Variants in PID1 observed in about 807,000 individuals in gnomAD.
PID1 encodes the protein PTB-containing, cubilin and LRP1-interacting protein.
Under a neutral mutation model 19.1 loss-of-function variants are expected in PID1, and 10 were observed. That is an observed-to-expected ratio of 0.52 (90% CI 0.32 to 0.89). The LOEUF (loss-of-function observed/expected upper bound fraction) is 0.89, where lower values mean the gene tolerates loss of function less well. PID1 is among the 40% of genes least tolerant of loss of function. PID1 has a pLI of 0.03. For missense variants in PID1, 248 were observed against 285.3 expected (o/e 0.87, Z 0.94); for synonymous variants, 130 against 116.0 (o/e 1.12, Z -0.78).
intron 2 of PID1, among the ~76,000 whole-genome samples, chr2:229,046,380 GC>G (rs1693880354): frequency 7.2e-6 from 1 of 139,564 alleles, no homozygotes; most frequent in Admixed American, 7.0e-5. Flanking sequence ...GTGTGTGTGT[GC>G]GTGTGTGTGT....
intron 2 of PID1, among the ~76,000 whole-genome samples, chr2:229,065,140 A>C (rs576941788): frequency 1.9e-4 from 29 of 152,316 alleles, no homozygotes; most frequent in African/African-American, 6.7e-4. Context: ...CTGAATGGTA[A>C]GTATCCAGGA....
At chr2:229,050,955 G>C (rs10204319) in intron 2 of PID1, among the ~76,000 whole-genome samples, 76,835 of 152,048 alleles carry the variant, frequency 0.51, 20,413 homozygotes, top group East Asian at 0.67. Flanking sequence ...ATCCATAATA[G>C]GCCAGCAATG....
rs568454061 is a variant in PID1 at position 229,131,964 on chromosome 2, G to A, written c.177+23854C>T. On this transcript the variant is annotated intron_variant, in intron 2 of 2. Coordinates refer to ENST00000392055, the MANE Select transcript of PID1 (RefSeq NM_001100818.2). ...TGGGAGCAAACCCTCTCTAGAGCAG[G>A]ATTAAGCTATCTTAGAAAAGAGCAA... is the stretch of plus-strand genomic sequence containing the variant. Among the ~76,000 whole-genome samples, 9 of 152,144 alleles carry A rather than the reference G, an allele frequency of 5.9e-5. No individual in the cohort carries two copies. In the South Asian group the frequency reaches 1.9e-3, roughly 32 times the overall value.
intron 2 of PID1, among the ~76,000 whole-genome samples, chr2:229,094,705 A>T (rs1694940366): frequency 6.6e-6 from 1 of 152,150 alleles, no homozygotes; most frequent in Admixed American, 6.5e-5. Context: ...TATTCAATAA[A>T]TGGTGATGGA....
At chr2:229,255,587 C>A (rs1690270993) in intron 1 of PID1, among the ~76,000 whole-genome samples, 1 of 152,112 alleles carries the variant, frequency 6.6e-6, no homozygotes, top group Non-Finnish European at 1.5e-5. Flanking sequence ...TATTCTCCAC[C>A]CTCTACATGT....
At chr2:229,253,696 G>T (rs750236146) in intron 1 of PID1, among the ~76,000 whole-genome samples, 1 of 152,022 alleles carries the variant, frequency 6.6e-6, no homozygotes, top group African/African-American at 2.4e-5. Context: ...TGCGTCCATA[G>T]GTTTCTGGTA....
chr2:229,262,781 GGTGGTTGCCAGCAATCCT>G, intron 1 of PID1: 1 of 1,551,514 alleles, frequency 6.4e-7, no homozygotes, highest in South Asian at 1.2e-5. Flanking sequence ...TCTAACATCA[GGTGGTTGCCAGCAATCCT>G]TGGCATTCCT....
At chr2:229,228,758 A>G (rs1692138399) in intron 1 of PID1, among the ~76,000 whole-genome samples, 1 of 152,162 alleles carries the variant, frequency 6.6e-6, no homozygotes, top group African/African-American at 2.4e-5. Context: ...CCATGTCGGT[A>G]GTTGTTTTCC....
chr2:229,075,975 C>T (rs1315175779), intron 2 of PID1, among the ~76,000 whole-genome samples: 4 of 152,162 alleles, frequency 2.6e-5, no homozygotes, highest in Non-Finnish European at 5.9e-5. Context: ...ACTTTCCTTT[C>T]CCTGATTCAC....
chr2:229,176,659 G>A (rs1474891695), intron 1 of PID1, among the ~76,000 whole-genome samples: 3 of 152,092 alleles, frequency 2.0e-5, no homozygotes, highest in Admixed American at 6.6e-5. Context: ...AAAAGAAGAC[G>A]GCATTGTATA....
At chr2:229,047,201 G>A (rs1448517712) in intron 2 of PID1, among the ~76,000 whole-genome samples, 1 of 152,172 alleles carries the variant, frequency 6.6e-6, no homozygotes, top group African/African-American at 2.4e-5. Context: ...AGACCCTGCT[G>A]TCAACCGTTG....
chr2:229,074,628 A>C (rs1478172518), intron 2 of PID1, among the ~76,000 whole-genome samples: 2 of 152,208 alleles, frequency 1.3e-5, no homozygotes, highest in Non-Finnish European at 2.9e-5. Context: ...ATAAATCCTA[A>C]GTGTTAAAAG....
At chr2:229,245,440 C>T (rs1054941631) in intron 1 of PID1, among the ~76,000 whole-genome samples, 2 of 152,104 alleles carry the variant, frequency 1.3e-5, no homozygotes, top group African/African-American at 4.8e-5. Flanking sequence ...TCAGCCTTTA[C>T]TAACAACAAT....
At chr2:229,051,101 G>C (rs1171038919) in intron 2 of PID1, among the ~76,000 whole-genome samples, 2 of 152,076 alleles carry the variant, frequency 1.3e-5, no homozygotes, top group Non-Finnish European at 1.5e-5. Flanking sequence ...TAACTCCTGG[G>C]CTCTGTAGGA....
intron 2 of PID1, among the ~76,000 whole-genome samples, chr2:229,114,707 G>C (rs1695375847): frequency 6.6e-6 from 1 of 152,010 alleles, no homozygotes; most frequent in South Asian, 2.1e-4. Flanking sequence ...CCCTCCTCTT[G>C]AGTTTCTAAA....
chr2:229,083,563 C>G (rs1694708367), intron 2 of PID1, among the ~76,000 whole-genome samples: 1 of 152,158 alleles, frequency 6.6e-6, no homozygotes, highest in Non-Finnish European at 1.5e-5. Context: ...AAAAGGATGA[C>G]ACCAGCAAAC....
chr2:229,221,728 T>C (rs1002441748), intron 1 of PID1, among the ~76,000 whole-genome samples: 5 of 152,132 alleles, frequency 3.3e-5, no homozygotes, highest in African/African-American at 7.2e-5. Flanking sequence ...ATTCCAACTG[T>C]CTCTTGGAAG....
chr2:229,165,064 G>A (rs1031623002), intron 1 of PID1, among the ~76,000 whole-genome samples: 3 of 152,166 alleles, frequency 2.0e-5, no homozygotes, highest in African/African-American at 7.2e-5. Flanking sequence ...AAAAACTCAT[G>A]AGTCACAGAG....
chr2:229,175,825 T>C (rs902428276), intron 1 of PID1, among the ~76,000 whole-genome samples: 1 of 152,204 alleles, frequency 6.6e-6, no homozygotes, highest in African/African-American at 2.4e-5. Context: ...TTCTTATCAT[T>C]GCATCCATTC....
Sources: gnomAD v4.1 joint callset for allele counts (sites outside exome capture counted in the v4.1 genomes callset) on GRCh38, gnomAD v4.1.1 for gene constraint, MANE v1.5 for transcripts, NCBI Gene and HGNC (gene_info 2026-07-23, HGNC 2026-07-21) for gene names.